AGMO: variants seen among roughly 807,000 people sequenced by gnomAD.
AGMO encodes the protein glyceryl-ether monooxygenase.
AGMO carries 75 observed loss-of-function variants against 60.2 expected under a neutral mutation model. The ratio of observed to expected loss-of-function variants is 1.25; its 90% CI spans 1.03 to 1.51. The LOEUF (loss-of-function observed/expected upper bound fraction) is 1.51, where lower values mean the gene tolerates loss of function less well. Among genes scored for constraint, AGMO ranks in the 40% most tolerant of loss-of-function variants. AGMO has a pLI of 0.00. For missense variants in AGMO, 763 were observed against 525.5 expected, an observed-to-expected ratio of 1.45 and a Z score of -4.42; for synonymous variants, 261 against 177.1, an observed-to-expected ratio of 1.47 and a Z score of -3.76.
At chr7:15,251,750 A>C (rs972764673) in intron 12 of AGMO, among the ~76,000 whole-genome samples, 1 of 152,198 alleles carries the variant, frequency 6.6e-6, no homozygotes, top group Non-Finnish European at 1.5e-5. Flanking sequence ...AAGATAACAG[A>C]AGTAGCAAAG....
At chr7:15,281,324 C>T (rs1231856472) in intron 12 of AGMO, among the ~76,000 whole-genome samples, 2 of 152,142 alleles carry the variant, frequency 1.3e-5, no homozygotes, top group African/African-American at 4.8e-5. Flanking sequence ...GGGGCTTCCA[C>T]CATGGGAGCT....
chr7:15,291,367 C>A (rs1455041861), intron 12 of AGMO, among the ~76,000 whole-genome samples: 1 of 152,216 alleles, frequency 6.6e-6, no homozygotes, highest in East Asian at 1.9e-4. Flanking sequence ...ATTCCTGAAA[C>A]ATGAATATTT....
At chr7:15,400,470 A>G (rs1339933158) in intron 5 of AGMO, among the ~76,000 whole-genome samples, 2 of 152,166 alleles carry the variant, frequency 1.3e-5, no homozygotes, top group Non-Finnish European at 2.9e-5. Flanking sequence ...CTTTGTGGGT[A>G]TGAGTGTCAT....
intron 3 of AGMO, among the ~76,000 whole-genome samples, chr7:15,540,038 A>G (rs1287672450): frequency 6.6e-6 from 1 of 152,234 alleles, no homozygotes; most frequent in African/African-American, 2.4e-5. Flanking sequence ...AATTATTAAC[A>G]GGTAAAGAGG....
rs1250964849 is a variant in AGMO at position 15,366,362 on chromosome 7, A to G, written c.1075-140T>C. 5.9e-6 allele frequency: 3 copies of G among 512,272 alleles called. No homozygotes were observed. The East Asian group carries it at 9.7e-5, about 17-fold the overall frequency. The allele number at this position is 512,272 out of a possible 1,614,324, so 31.7% of individuals were successfully genotyped here. A position where few individuals can be genotyped will look rare whatever the true frequency, so the allele number is the denominator to read the frequency against. On this transcript the variant is annotated intron_variant, in intron 10 of 12. Transcript: ENST00000342526. ...TTGACACTTTACAGAAAGCTTGACT[A>G]CACAGAAAACATTTTGGTTTTCTTA...
chr7:15,559,004 C>G (rs1785229360), intron 2 of AGMO, among the ~76,000 whole-genome samples: 1 of 152,082 alleles, frequency 6.6e-6, no homozygotes, highest in South Asian at 2.1e-4. Flanking sequence ...CTAAGGGAAT[C>G]TTTCCTCACC....
intron 12 of AGMO, among the ~76,000 whole-genome samples, chr7:15,331,626 T>A (rs142972770): frequency 3.3e-5 from 5 of 152,144 alleles, no homozygotes; most frequent in African/African-American, 1.2e-4. Flanking sequence ...CCCAGGCTCA[T>A]TTTTAGTTAA....
chr7:15,334,634 T>C (rs1781595818), intron 12 of AGMO, among the ~76,000 whole-genome samples: 1 of 152,184 alleles, frequency 6.6e-6, no homozygotes, highest in Non-Finnish European at 1.5e-5. Flanking sequence ...TAGCTTTCTC[T>C]TTCAAAATTG....
intron 3 of AGMO, among the ~76,000 whole-genome samples, chr7:15,463,643 T>A (rs775376955): frequency 1.8e-4 from 27 of 151,918 alleles, no homozygotes; most frequent in Non-Finnish European, 3.7e-4. Flanking sequence ...CATCCAGGTA[T>A]TTTTTTTCAA....
At chr7:15,372,540 T>C (rs375327423) in intron 10 of AGMO, among the ~76,000 whole-genome samples, 2 of 152,194 alleles carry the variant, frequency 1.3e-5, no homozygotes, top group South Asian at 2.1e-4. Context: ...AAATATGAGT[T>C]TGAGTAACCA....
intron 12 of AGMO, among the ~76,000 whole-genome samples, chr7:15,322,484 A>T (rs1390756464): frequency 1.1e-5 from 1 of 94,750 alleles, no homozygotes; most frequent in Non-Finnish European, 1.9e-5. Context: ...AAATATATAT[A>T]TAAATATATA....
intron 8 of AGMO, 88 bp from the exon 9 acceptor site, chr7:15,387,628 A>C (rs1381035270): frequency 8.2e-7 from 1 of 1,220,154 alleles, no homozygotes. Flanking sequence ...TTTATTGTTC[A>C]AGGTAATTTA....
intron 12 of AGMO, among the ~76,000 whole-genome samples, chr7:15,285,459 C>G (rs1375119752): frequency 6.6e-6 from 1 of 151,794 alleles, no homozygotes; most frequent in East Asian, 1.9e-4. Flanking sequence ...AATCAAGAAC[C>G]CAATTCCTTT....
chr7:15,154,468 C>T, the AGMO span, among the ~76,000 whole-genome samples: 6 of 152,124 alleles, frequency 3.9e-5, no homozygotes, highest in Non-Finnish European at 7.4e-5. Context: ...GATCTTTCTC[C>T]ATCCATTTAC....
chr7:15,400,898 G>C (rs1160875210), intron 5 of AGMO, among the ~76,000 whole-genome samples: 7 of 152,146 alleles, frequency 4.6e-5, no homozygotes, highest in Non-Finnish European at 1.0e-4. Context: ...AGATGGAAAA[G>C]TGATTATGAA....
At chr7:15,324,508 T>C (rs141751188) in intron 12 of AGMO, among the ~76,000 whole-genome samples, 8 of 152,280 alleles carry the variant, frequency 5.3e-5, no homozygotes, top group East Asian at 3.9e-4. Flanking sequence ...TTTCTTTTTT[T>C]CTCTGGCTTC....
chr7:15,387,284 G>C lies in AGMO; in HGVS notation c.957+122C>G, dbSNP rs1178816118. The C allele has an allele frequency of 4.4e-6, 5 of 1,140,738 alleles. No homozygotes were observed. In the African/African-American group the frequency reaches 4.7e-5, roughly 11 times the overall value. The allele number at this position is 1,140,738 out of a possible 1,614,324, so 70.7% of individuals were successfully genotyped here. A position where few individuals can be genotyped will look rare whatever the true frequency, so the allele number is the denominator to read the frequency against. On this transcript the variant is annotated intron_variant, in intron 9 of 12. Transcript: ENST00000342526. ...TAAGTAAGTTATGCACCACAGGACT[G>C]CATCTGACTGGGGGAACATCTTTTT...
At chr7:15,265,488 A>ATG (rs1327345225) in intron 12 of AGMO, among the ~76,000 whole-genome samples, 29 of 152,202 alleles carry the variant, frequency 1.9e-4, no homozygotes, top group Non-Finnish European at 3.7e-4. Flanking sequence ...ACTGATTACA[A>ATG]TGTTTATATT....
chr7:15,421,711 G>T (rs1780930804), intron 4 of AGMO, among the ~76,000 whole-genome samples: 1 of 152,060 alleles, frequency 6.6e-6, no homozygotes, highest in Admixed American at 6.6e-5. Flanking sequence ...GTCGTGTTGG[G>T]GTCTATGGGG....
Sources: gnomAD v4.1 joint callset for allele counts (sites outside exome capture counted in the v4.1 genomes callset) on GRCh38, gnomAD v4.1.1 for gene constraint, MANE v1.5 for transcripts, NCBI Gene and HGNC (gene_info 2026-07-23, HGNC 2026-07-21) for gene names.